Variants in ZNF555 observed in about 807,000 individuals in gnomAD.
ZNF555 encodes the protein zinc finger protein 555.
ZNF555 carries 10 observed loss-of-function variants against 14.0 expected under a neutral mutation model. The observed-to-expected ratio is 0.72, with a 90% CI of 0.44 to 1.21. ZNF555 has a LOEUF of 1.21. ZNF555 is among the 50% of genes most tolerant of loss of function. The pLI, the probability that ZNF555 is intolerant of heterozygous loss-of-function variation, is 0.00. For missense variants in ZNF555, 747 were observed against 762.0 expected, an observed-to-expected ratio of 0.98 and a Z score of 0.23; for synonymous variants, 277 against 262.4, an observed-to-expected ratio of 1.06 and a Z score of -0.54.
At chr19:2,846,213 G>A (rs2087581111) in intron 1 of ZNF555, among the ~76,000 whole-genome samples, 1 of 152,230 alleles carries the variant, frequency 6.6e-6, no homozygotes, top group South Asian at 2.1e-4. Flanking sequence ...GACGACACCT[G>A]GAGATGTCCT....
rs1373307588 is a variant in ZNF555 at position 2,859,293 on chromosome 19, CCT to C, written c.*5344_*5345del. On this transcript the variant is annotated 3_prime_UTR_variant, in exon 4 of 4. Transcript: ENST00000334241. ...TGGTACTGGAAGTGGCGGAAGCTCT[CCT>C]CTTGCCCTCTTCAGCTTCCGGTGTG... 6.6e-6 allele frequency: 1 copy of C among 152,296 alleles called. No individual in the cohort carries two copies. The highest frequency in any genetic ancestry group is 1.5e-5 in the Non-Finnish European group (1 of 68,104). The allele number at this position is 152,296 out of a possible 1,614,324, so 9.4% of individuals were successfully genotyped here. A position where few individuals can be genotyped will look rare whatever the true frequency, so the allele number is the denominator to read the frequency against.
rs545112288 is a variant in ZNF555 at position 2,852,749 on chromosome 19, C to T, written c.684C>T (p.Tyr228=). ...HVRIHTAEKT[Y]ECKQCGKAFI... ...GGATTCACACTGCTGAGAAAACCTA[C>T]GAATGTAAGCAATGTGGGAAAGCCT... Residue 228 remains tyrosine (Y), a synonymous_variant, in exon 4 of 4, where the codon TAC becomes TAT. Transcript: ENST00000334241. 57 of 1,614,158 alleles carry T rather than the reference C, an allele frequency of 3.5e-5. No individual in the cohort carries two copies. The highest frequency in any genetic ancestry group is 2.0e-4 in the East Asian group (9 of 44,890).
At position 2,857,361 on chromosome 19, in the gene ZNF555, A is replaced by G. The variant is rs1240593512; in HGVS notation, c.*3409A>G. On this transcript the variant is annotated 3_prime_UTR_variant, in exon 4 of 4. Transcript: ENST00000334241. The stretch of plus-strand genomic sequence containing the variant: ...TGAAGGCTTAACCTGTGCTTAACCT[A>G]TATTGGGCATTGTCAAGACTTAAAT... 6.6e-6 allele frequency: 1 copy of G among 152,234 alleles called. No individual in the cohort carries two copies. Among genetic ancestry groups the G allele is most frequent in the Admixed American group, 6.5e-5 (1 of 15,282 alleles). The allele number at this position is 152,234 out of a possible 1,614,324, so 9.4% of individuals were successfully genotyped here.
rs761711458 is a variant in ZNF555, at chr19:2,851,560, A to G, written c.223A>G (p.Thr75Ala). The part of the protein sequence containing the change: ...IPKESKIATF[T>A]RNVSWASVLG... ...CAAGGAATCTAAAATAGCCACGTTC[A>G]CCAGAAATGTTTCCTGGGCCTCTGT... Residue 75 changes from threonine (T) to alanine (A), a missense_variant, in exon 3 of 4, where the codon ACC becomes GCC. Coordinates refer to ENST00000334241, the MANE Select transcript of ZNF555 (RefSeq NM_152791.5). The G allele has an allele frequency of 1.2e-5, 20 of 1,612,874 alleles. No homozygotes were observed. The highest frequency in any genetic ancestry group is 1.6e-5 in the Non-Finnish European group (19 of 1,179,762).
chr19:2,853,017 G>A lies in ZNF555; in HGVS notation c.952G>A (p.Gly318Arg), dbSNP rs1215124381. 6.2e-7 allele frequency: 1 copy of A among 1,614,088 alleles called. No homozygotes were observed. Among genetic ancestry groups the A allele is most frequent in the Non-Finnish European group, 8.5e-7 (1 of 1,180,052 alleles). The change falls in exon 4 of 4, where the codon GGG becomes AGG. Residue 318 changes from glycine to arginine, a missense_variant. Gly to Arg is a moderately radical substitution (Grantham distance 125, BLOSUM62 -2). Transcript: ENST00000334241. ...GEKPHKCKEC[G>R]EAFSYSSAFR... Reference sequence around the variant, plus strand: ...GAAGCCACATAAATGTAAAGAATGTGGGGAGGCCTTCAGTTATTCTTCGGC... The same window carrying A: ...GAAGCCACATAAATGTAAAGAATGTAGGGAGGCCTTCAGTTATTCTTCGGC...
Position 2,853,756 on chromosome 19 carries a change from A to C in ZNF555, c.1691A>C (p.Tyr564Ser), listed in dbSNP as rs769710185. 6.2e-7 allele frequency: 1 copy of C among 1,604,098 alleles called. No individual in the cohort carries two copies. Among genetic ancestry groups the C allele is most frequent in the East Asian group, 2.2e-5 (1 of 44,856 alleles). The change falls in exon 4 of 4, where the codon TAT (tyrosine) becomes TCT (serine). Residue 564 changes from tyrosine (Y) to serine (S), a missense_variant. By Grantham distance (144) the Tyr-to-Ser change is moderately radical. Coordinates refer to ENST00000334241, the MANE Select transcript of ZNF555 (RefSeq NM_152791.5). The stretch of plus-strand genomic sequence containing the variant: ...AGACTGCACACTGGAGAGAAACCTT[A>C]TCAATGTAAGCATTGTGGGAAAGCA... ...HMRLHTGEKP[Y>S]QCKHCGKAFN...
intron 3 of ZNF555, 132 bp downstream of exon 3, chr19:2,851,783 CA>C (rs1337169396): frequency 2.6e-6 from 2 of 778,780 alleles, no homozygotes; most frequent in Non-Finnish European, 3.8e-6. Context: ...AGAATTTTTA[CA>C]AAAAAATATT....
chr19:2,854,045 C>G lies in ZNF555; in HGVS notation c.*93C>G, dbSNP rs2087663743. ...TGAAAAATAATTCTCCAAATACTCT[C>G]AGCTATCCTACATGAATTTGAACAG... On this transcript the variant is annotated 3_prime_UTR_variant, in exon 4 of 4. Transcript: ENST00000334241. 1.4e-6 allele frequency: 2 copies of G among 1,464,198 alleles called. No individual in the cohort carries two copies. Among genetic ancestry groups the G allele is most frequent in the Non-Finnish European group, 1.9e-6 (2 of 1,079,800 alleles). The allele number at this position is 1,464,198 out of a possible 1,614,324, so 90.7% of individuals were successfully genotyped here.
At position 2,848,374 on chromosome 19, in the gene ZNF555, A is replaced by G. The variant is rs868386921; in HGVS notation, c.4-2213A>G. On this transcript the variant is annotated intron_variant, in intron 1 of 3. Coordinates refer to ENST00000334241, the MANE Select transcript of ZNF555 (RefSeq NM_152791.5). ...TCACCGTGTTAGCCAGGATGGTCTC[A>G]ATCTCCTGACCTCGTGATCCACCTG... 3.3e-5 allele frequency among the ~76,000 whole-genome samples: 5 copies of G among 151,354 alleles called. No homozygotes were observed. The South Asian group carries it at 6.3e-4, about 19-fold the overall frequency.
chr19:2,851,143 G>A (rs1301079172), intron 2 of ZNF555, among the ~76,000 whole-genome samples: 2 of 151,618 alleles, frequency 1.3e-5, no homozygotes, highest in African/African-American at 2.4e-5. Context: ...GATTACAGGC[G>A]AGCGCCACCA....
chr19:2,849,441 A>G (rs2087609341), intron 1 of ZNF555, among the ~76,000 whole-genome samples: 2 of 151,940 alleles, frequency 1.3e-5, no homozygotes, highest in South Asian at 2.1e-4. Flanking sequence ...ACTCCTTTGC[A>G]AAGTGGGACT....
At chr19:2,851,243 G>A (rs932781170) in intron 2 of ZNF555, among the ~76,000 whole-genome samples, 1 of 151,858 alleles carries the variant, frequency 6.6e-6, no homozygotes, top group African/African-American at 2.4e-5. Context: ...TGATCCACCC[G>A]CCTCAGCCTC....
At chr19:2,850,807 G>C (rs972357285) in intron 2 of ZNF555, 94 bp downstream of exon 2, 4 of 1,505,546 alleles carry the variant, frequency 2.7e-6, no homozygotes, top group Non-Finnish European at 3.6e-6. Context: ...AATGTGGAAA[G>C]GGAATAAATT....
rs753618484 is a variant in ZNF555, at chr19:2,853,030, G to A, written c.965G>A (p.Ser322Asn). The A allele has an allele frequency of 8.7e-6, 14 of 1,614,060 alleles. No homozygotes were observed. Among genetic ancestry groups the A allele is most frequent in the Non-Finnish European group, 1.0e-5 (12 of 1,179,992 alleles). ...TGTAAAGAATGTGGGGAGGCCTTCA[G>A]TTATTCTTCGGCTTTTCGAAGACAC... is the stretch of plus-strand genomic sequence containing the variant. ...HKCKECGEAF[S>N]YSSAFRRHMI... The change falls in exon 4 of 4, where the codon AGT becomes AAT. Residue 322 changes from serine to asparagine, a missense_variant. Physicochemically the swap from Ser to Asn is conservative, Grantham distance 46 (BLOSUM62 1). Coordinates refer to ENST00000334241, the MANE Select transcript of ZNF555 (RefSeq NM_152791.5).
In ZNF555 at chr19:2,856,095, T is replaced by A. The variant is rs1418801358; in HGVS notation, c.*2143T>A. The A allele has an allele frequency of 3.3e-5, 5 of 152,214 alleles. No homozygotes were observed. The East Asian group carries it at 9.6e-4, about 29-fold the overall frequency. The allele number at this position is 152,214 out of a possible 1,614,324, so 9.4% of individuals were successfully genotyped here. Reference sequence around the variant, plus strand: ...TTTCAAATCAACTTTGTAATTTTGATAATTTAAGCATGTTACATTTTGAAT... The same window carrying A: ...TTTCAAATCAACTTTGTAATTTTGAAAATTTAAGCATGTTACATTTTGAAT... On this transcript the variant is annotated 3_prime_UTR_variant, in exon 4 of 4. Coordinates refer to ENST00000334241, the MANE Select transcript of ZNF555 (RefSeq NM_152791.5).
chr19:2,849,062 A>G (rs947575774), intron 1 of ZNF555, among the ~76,000 whole-genome samples: 2 of 152,238 alleles, frequency 1.3e-5, no homozygotes, highest in Non-Finnish European at 2.9e-5. Flanking sequence ...AGGCTAACCC[A>G]GGGAGCTCAT....
chr19:2,850,572 G>A lies in ZNF555; in HGVS notation c.4-15G>A, dbSNP rs2087620132. 6.2e-7 allele frequency: 1 copy of A among 1,612,170 alleles called. No homozygotes were observed. On this transcript the variant is annotated splice_polypyrimidine_tract_variant and intron_variant, in intron 1 of 3. Coordinates refer to ENST00000334241, the MANE Select transcript of ZNF555 (RefSeq NM_152791.5). ...GTCTCAACCATCCTCCCATAAATAT[G>A]TTGAATTGTTTTAGGACTCAGTGGT...
At chr19:2,843,165 T>C (rs1005536595) in intron 1 of ZNF555, among the ~76,000 whole-genome samples, 4 of 152,194 alleles carry the variant, frequency 2.6e-5, no homozygotes, top group Non-Finnish European at 5.9e-5. Context: ...TTATTTTCTG[T>C]TTTCTTTTAT....
rs2087690032 is a variant in ZNF555, at chr19:2,857,179, T to G, written c.*3227T>G. On this transcript the variant is annotated 3_prime_UTR_variant, in exon 4 of 4. Coordinates refer to ENST00000334241, the MANE Select transcript of ZNF555 (RefSeq NM_152791.5). ...ATCTCCATTACTTTCCATGTTAACA[T>G]AAGTTTTCATAACGCTCTATAGATG... 1 of 152,236 alleles carries G rather than the reference T, an allele frequency of 6.6e-6. No individual in the cohort carries two copies. Among genetic ancestry groups the G allele is most frequent in the South Asian group, 2.1e-4 (1 of 4,836 alleles). The allele number at this position is 152,236 out of a possible 1,614,324, so 9.4% of individuals were successfully genotyped here. A position where few individuals can be genotyped will look rare whatever the true frequency, so the allele number is the denominator to read the frequency against.
Sources: gnomAD v4.1 joint callset for allele counts (sites outside exome capture counted in the v4.1 genomes callset) on GRCh38, gnomAD v4.1.1 for gene constraint, MANE v1.5 for transcripts, NCBI Gene and HGNC (gene_info 2026-07-23, HGNC 2026-07-21) for gene names.